Variants in USP6NL observed in about 807,000 individuals in gnomAD.
The protein encoded by USP6NL is USP6 N-terminal like, also known as USP6 N-terminal-like protein.
In USP6NL, 26 loss-of-function variants were observed where a neutral mutation model predicts 61.9. The observed-to-expected ratio is 0.42, with a 90% CI of 0.31 to 0.58. The LOEUF is 0.58. USP6NL is among the 20% of genes least tolerant of loss of function. USP6NL has a pLI of 0.16. For missense variants in USP6NL, 1,114 were observed against 1,034.3 expected (o/e 1.08, Z -1.06); for synonymous variants, 432 against 390.1 (o/e 1.11, Z -1.27).
rs61281958 is a variant in USP6NL at position 11,513,170 on chromosome 10, A to G, written c.196-3495T>C. ...ACATAAGAAAAAACAACTGAACCCT[A>G]TGAAGGAATTAATAACATTCTGTGG... On this transcript the variant is annotated intron_variant, in intron 5 of 14. Coordinates refer to ENST00000609104, the MANE Select transcript of USP6NL (RefSeq NM_014688.5). The surrounding 1 kb of genome is among the most constrained non-coding windows in gnomAD (Gnocchi z 4.7). Among the ~76,000 whole-genome samples the G allele has an allele frequency of 3.3e-3, 498 of 152,340 alleles. 7 individuals are homozygous for G. The highest frequency in any genetic ancestry group is 0.012 in the African/African-American group (485 of 41,580).
chr10:11,584,980 A>G (rs1020743629), intron 2 of USP6NL, among the ~76,000 whole-genome samples: 1 of 152,130 alleles, frequency 6.6e-6, no homozygotes, highest in Non-Finnish European at 1.5e-5. Flanking sequence ...TGAAACTCCA[A>G]TAAATATATA....
rs1009697724 is a variant in USP6NL, at chr10:11,597,556, A to G, written c.4+75T>C. 57 of 1,444,366 alleles carry G rather than the reference A, an allele frequency of 3.9e-5. No individual in the cohort carries two copies. The African/African-American group carries it at 6.5e-4, about 16-fold the overall frequency. 89.5% of individuals were successfully genotyped at this position (1,444,366 alleles called of 1,614,324 possible). On this transcript the variant is annotated intron_variant, in intron 2 of 14. Transcript: ENST00000609104. The surrounding 1 kb of genome is among the most constrained non-coding windows in gnomAD (Gnocchi z 4.6). ...ACATAATTCCAATTTATTCAGTAAC[A>G]TGTTTTTCTTCTCCTAAGCACAATA...
intron 14 of USP6NL, among the ~76,000 whole-genome samples, chr10:11,475,477 TC>T (rs1832933455): frequency 6.6e-6 from 1 of 151,036 alleles, no homozygotes; most frequent in African/African-American, 2.4e-5. Context: ...ATGCCTATAA[TC>T]CCAGCTATTT....
At position 11,597,510 on chromosome 10, in the gene USP6NL, C is replaced by A; in HGVS notation, c.4+121G>T. ...AAGCGCAGAGTGCTGGGTGGAACCACATTCAAACTCTGAATAAGTGACATA... is the reference window on the plus strand; with the variant it reads ...AAGCGCAGAGTGCTGGGTGGAACCAAATTCAAACTCTGAATAAGTGACATA... On this transcript the variant is annotated intron_variant, in intron 2 of 14. Coordinates refer to ENST00000609104, the MANE Select transcript of USP6NL (RefSeq NM_014688.5). The surrounding 1 kb of genome is among the most constrained non-coding windows in gnomAD (Gnocchi z 4.6). 2.9e-6 allele frequency: 3 copies of A among 1,029,332 alleles called. No homozygotes were observed. Among genetic ancestry groups the A allele is most frequent in the Non-Finnish European group, 3.0e-6 (2 of 672,224 alleles). 63.8% of individuals were successfully genotyped at this position (1,029,332 alleles called of 1,614,324 possible). A position where few individuals can be genotyped will look rare whatever the true frequency, so the allele number is the denominator to read the frequency against.
chr10:11,533,103 C>T (rs879564738), intron 2 of USP6NL, among the ~76,000 whole-genome samples: 5 of 152,144 alleles, frequency 3.3e-5, no homozygotes, highest in Non-Finnish European at 7.4e-5. Flanking sequence ...ATTAAGTTTA[C>T]GCTCAGCTTA....
In USP6NL at chr10:11,485,260, T is replaced by A; in HGVS notation, c.760-26A>T. 1.3e-6 allele frequency: 2 copies of A among 1,501,954 alleles called. No individual in the cohort carries two copies. The highest frequency in any genetic ancestry group is 1.8e-6 in the Non-Finnish European group (2 of 1,127,792). The allele number at this position is 1,501,954 out of a possible 1,614,324, so 93.0% of individuals were successfully genotyped here. On this transcript the variant is annotated intron_variant, in intron 11 of 14. Transcript: ENST00000609104. This position sits in a 1 kb window ranked among gnomAD's most constrained non-coding sequence, Gnocchi z 4.8. Reference sequence around the variant, plus strand: ...CTGAAAAAACAAAGAGCTCACAATTTATGGATTGTAGCAAACTAAATTTAA... The same window carrying A: ...CTGAAAAAACAAAGAGCTCACAATTAATGGATTGTAGCAAACTAAATTTAA...
intron 2 of USP6NL, among the ~76,000 whole-genome samples, chr10:11,543,250 C>T (rs1439761187): frequency 3.3e-5 from 5 of 152,100 alleles, no homozygotes; most frequent in Non-Finnish European, 5.9e-5. Context: ...TAAGAAACAT[C>T]TATATAACTG....
rs968191702 is a variant in USP6NL, at chr10:11,540,228, C to G, written c.5-12661G>C. Among the ~76,000 whole-genome samples, 80 of 152,108 alleles carry G rather than the reference C, an allele frequency of 5.3e-4. No homozygotes were observed. The highest frequency in any genetic ancestry group is 1.1e-3 in the Non-Finnish European group (76 of 68,026). On this transcript the variant is annotated intron_variant, in intron 2 of 14. Coordinates refer to ENST00000609104, the MANE Select transcript of USP6NL (RefSeq NM_014688.5). The surrounding 1 kb of genome is among the most constrained non-coding windows in gnomAD (Gnocchi z 5.0). The stretch of plus-strand genomic sequence containing the variant: ...GTGCAAAATGGAGATGAATGGTATT[C>G]TGAAGAATCCAAGAACAATTTATAT...
chr10:11,498,010 G>A (rs1834012628), intron 7 of USP6NL, among the ~76,000 whole-genome samples: 1 of 151,950 alleles, frequency 6.6e-6, no homozygotes, highest in Non-Finnish European at 1.5e-5. Flanking sequence ...GGCCAAGGCG[G>A]GTGGATCACG....
At chr10:11,507,240 G>T (rs1834490074) in intron 6 of USP6NL, among the ~76,000 whole-genome samples, 1 of 152,190 alleles carries the variant, frequency 6.6e-6, no homozygotes, top group Non-Finnish European at 1.5e-5. Flanking sequence ...ATGAATGTGA[G>T]ATTAAAGGAT....
Position 11,597,145 on chromosome 10 carries a change from A to C in USP6NL, c.4+486T>G, listed in dbSNP as rs1289063444. Among the ~76,000 whole-genome samples, 3 of 152,224 alleles carry C rather than the reference A, an allele frequency of 2.0e-5. No individual in the cohort carries two copies. The highest frequency in any genetic ancestry group is 2.9e-5 in the Non-Finnish European group (2 of 68,034). On this transcript the variant is annotated intron_variant, in intron 2 of 14. Transcript: ENST00000609104. This position sits in a 1 kb window ranked among gnomAD's most constrained non-coding sequence, Gnocchi z 4.6. Reference sequence around the variant, plus strand: ...CATATACTATCCCCTTACAACTAAGAAGATAAAATTATCAAATGTGGTTAA... The same window carrying C: ...CATATACTATCCCCTTACAACTAAGCAGATAAAATTATCAAATGTGGTTAA...
Position 11,561,037 on chromosome 10 carries a change from C to T in USP6NL, c.5-33470G>A, listed in dbSNP as rs1462244997. Among the ~76,000 whole-genome samples, 2 of 152,082 alleles carry T rather than the reference C, an allele frequency of 1.3e-5. No individual in the cohort carries two copies. Among genetic ancestry groups the T allele is most frequent in the South Asian group, 4.1e-4 (2 of 4,828 alleles). ...AAAAGCAGTTAATCTACATCTATTT[C>T]GAGCATACTCAAGCAGCCCTGAATA... On this transcript the variant is annotated intron_variant, in intron 2 of 14. Coordinates refer to ENST00000609104, the MANE Select transcript of USP6NL (RefSeq NM_014688.5). This position sits in a 1 kb window ranked among gnomAD's most constrained non-coding sequence, Gnocchi z 4.1.
chr10:11,603,537 G>T (rs190651123), intron 1 of USP6NL, among the ~76,000 whole-genome samples: 2 of 152,284 alleles, frequency 1.3e-5, no homozygotes, highest in East Asian at 3.9e-4. Flanking sequence ...ACTGCCAACT[G>T]TAACAATAAG....
At position 11,485,109 on chromosome 10, in the gene USP6NL, C is replaced by T; in HGVS notation, c.826-39G>A. The T allele has an allele frequency of 6.5e-7, 1 of 1,538,380 alleles. No homozygotes were observed. The highest frequency in any genetic ancestry group is 8.8e-7 in the Non-Finnish European group (1 of 1,141,540). On this transcript the variant is annotated intron_variant, in intron 12 of 14. Transcript: ENST00000609104. The surrounding 1 kb of genome is among the most constrained non-coding windows in gnomAD (Gnocchi z 4.8). ...CAAAACAAAACAAAAATAGGGTTAACAGCTTCCCCTCACCTTGTATTTATA... is the reference window on the plus strand; with the variant it reads ...CAAAACAAAACAAAAATAGGGTTAATAGCTTCCCCTCACCTTGTATTTATA...
intron 2 of USP6NL, among the ~76,000 whole-genome samples, chr10:11,555,449 TATAGAGAGAGAGAGAGAGAGAAAG>T (rs1836665679): frequency 1.4e-5 from 1 of 73,134 alleles, no homozygotes; most frequent in Non-Finnish European, 2.4e-5. Flanking sequence ...TATATATATA[TATAGAGAGAGAGAGAGAGAGAAAG>T]AGAGAGAGAG....
intron 3 of USP6NL, among the ~76,000 whole-genome samples, chr10:11,526,360 G>T (rs1024425484): frequency 2.0e-5 from 3 of 152,064 alleles, no homozygotes; most frequent in Admixed American, 6.5e-5. Flanking sequence ...CATCCTGTAG[G>T]CAAGGGCTGC....
At chr10:11,508,009 C>T (rs557394711) in intron 6 of USP6NL, among the ~76,000 whole-genome samples, 23 of 152,140 alleles carry the variant, frequency 1.5e-4, no homozygotes, top group Non-Finnish European at 3.1e-4. Flanking sequence ...GAAACTCATG[C>T]TCCCTGGAAT....
chr10:11,540,270 T>G lies in USP6NL; in HGVS notation c.5-12703A>C, dbSNP rs564700057. Among the ~76,000 whole-genome samples, 1 of 152,352 alleles carries G rather than the reference T, an allele frequency of 6.6e-6. No individual in the cohort carries two copies. The highest frequency in any genetic ancestry group is 1.9e-4 in the East Asian group (1 of 5,190). On this transcript the variant is annotated intron_variant, in intron 2 of 14. Transcript: ENST00000609104. This position sits in a 1 kb window ranked among gnomAD's most constrained non-coding sequence, Gnocchi z 5.0. ...AATTTATATGAAATATTCTTTGTGG[T>G]CATAATCAACTGGACCTGCTATATT...
chr10:11,551,321 A>G (rs1193640262), intron 2 of USP6NL, among the ~76,000 whole-genome samples: 1 of 152,222 alleles, frequency 6.6e-6, no homozygotes, highest in African/African-American at 2.4e-5. Flanking sequence ...AACAATGCAA[A>G]TAAAAGAAGT....
Sources: gnomAD v4.1 joint callset for allele counts (sites outside exome capture counted in the v4.1 genomes callset) on GRCh38, gnomAD v4.1.1 for gene constraint, Gnocchi (gnomAD v3.1) non-coding constraint, MANE v1.5 for transcripts, NCBI Gene and HGNC (gene_info 2026-07-23, HGNC 2026-07-21) for gene names.